The following CASP10 variants were observed in gnomAD, a reference collection of about 807,000 sequenced individuals.
CASP10 encodes the protein caspase-10.
In CASP10, 41 loss-of-function variants were observed where a neutral mutation model predicts 48.5. The observed-to-expected ratio is 0.85, with a 90% CI of 0.66 to 1.10. The LOEUF (loss-of-function observed/expected upper bound fraction) is 1.10. CASP10 is among the 50% of genes least tolerant of loss of function. CASP10 has a pLI of 0.00. For missense variants in CASP10, 614 were observed against 614.5 expected (o/e 1.00, Z 0.01); for synonymous variants, 232 against 238.4 (o/e 0.97, Z 0.25).
Position 201,192,185 on chromosome 2 carries a change from A to G in CASP10, c.442-799A>G, listed in dbSNP as rs1455295561. Among the ~76,000 whole-genome samples the G allele has an allele frequency of 3.9e-5, 6 of 152,310 alleles. No individual in the cohort carries two copies. The East Asian group carries it at 1.2e-3, about 29-fold the overall frequency. ...CAAGGCAAGCAGATCACCTGAGGTCAGGAGTTTGAGACCAGCCTGGCCAAC... is the reference window on the plus strand; with the variant it reads ...CAAGGCAAGCAGATCACCTGAGGTCGGGAGTTTGAGACCAGCCTGGCCAAC... On this transcript the variant is annotated intron_variant, in intron 3 of 9. Transcript: ENST00000286186.
At chr2:201,198,624 T>C (rs1316128261) in intron 5 of CASP10, among the ~76,000 whole-genome samples, 4 of 142,972 alleles carry the variant, frequency 2.8e-5, no homozygotes, top group African/African-American at 1.1e-4. Flanking sequence ...CACTGCAAGC[T>C]CCGCCTCCCG....
intron 9 of CASP10, chr2:201,214,445 T>C (rs1252188275): frequency 6.6e-6 from 1 of 152,106 alleles, no homozygotes; most frequent in Non-Finnish European, 1.5e-5. Flanking sequence ...TAAGAGGTAG[T>C]AGTCAGGCTG....
At chr2:201,196,469 A>C (rs1944800231) in intron 5 of CASP10, among the ~76,000 whole-genome samples, 1 of 152,168 alleles carries the variant, frequency 6.6e-6, no homozygotes, top group Non-Finnish European at 1.5e-5. Flanking sequence ...TCAGCTCTGA[A>C]AGGATGGGTG....
intron 5 of CASP10, among the ~76,000 whole-genome samples, chr2:201,202,136 C>A (rs1252889832): frequency 6.6e-6 from 1 of 152,180 alleles, no homozygotes; most frequent in African/African-American, 2.4e-5. Context: ...CAGGCGTGAG[C>A]CACCGTACCC....
intron 5 of CASP10, chr2:201,200,447 G>T (rs1419944797): frequency 1.9e-6 from 3 of 1,598,270 alleles, no homozygotes; most frequent in Non-Finnish European, 2.5e-6. Context: ...CCCCAGGAAG[G>T]TGTTTTTGTT....
At chr2:201,208,220 G>T in intron 8 of CASP10, 37 bp downstream of exon 8, 1 of 1,588,968 alleles carries the variant, frequency 6.3e-7, no homozygotes, top group Non-Finnish European at 8.5e-7. Flanking sequence ...AATGCAAATT[G>T]GGGATCTTAA....
Position 201,219,983 on chromosome 2 carries a change from A to T in CASP10, c.*2242A>T. The T allele has an allele frequency of 1.0e-6, 1 of 985,442 alleles. No individual in the cohort carries two copies. Among genetic ancestry groups the T allele is most frequent in the Non-Finnish European group, 1.2e-6 (1 of 829,920 alleles). The allele number at this position is 985,442 out of a possible 1,614,324, so 61.0% of individuals were successfully genotyped here. A position where few individuals can be genotyped will look rare whatever the true frequency, so the allele number is the denominator to read the frequency against. On this transcript the variant is annotated 3_prime_UTR_variant, in exon 10 of 10. Transcript: ENST00000286186. ...TTGATATGTGAATGCTCATAAAAAA[A>T]TGTCAAGGAATGAAGAACAACAACT... is the stretch of plus-strand genomic sequence containing the variant.
rs200530667 is a variant in CASP10 at position 201,186,091 on chromosome 2, T to C, written c.314T>C (p.Leu105Pro). ...LNCTKEEVER[L>P]LPTRQRVSLF... is the part of the protein sequence containing the mutation. The stretch of plus-strand genomic sequence containing the variant: ...TGTACCAAAGAGGAAGTGGAGCGAC[T>C]GCTGCCCACCCGACAAAGGGTTTCT... The change falls in exon 2 of 10, where the codon CTG (leucine) becomes CCG (proline). Residue 105 changes from leucine to proline, a missense_variant. Coordinates refer to ENST00000286186, the MANE Select transcript of CASP10 (RefSeq NM_032977.4). 25 of 1,612,288 alleles carry C rather than the reference T, an allele frequency of 1.6e-5. No individual in the cohort carries two copies. The East Asian group carries it at 2.0e-4, about 13-fold the overall frequency.
Position 201,205,970 on chromosome 2 carries a change from A to C in CASP10, c.810A>C (p.Thr270=), listed in dbSNP as rs759324148. The C allele has an allele frequency of 9.4e-6, 15 of 1,602,230 alleles. 1 individual carries two copies. In the South Asian group the frequency reaches 1.7e-4, roughly 18 times the overall value. Residue 270 remains threonine (T), a synonymous_variant, in exon 7 of 10, where the codon ACA becomes ACC. Transcript: ENST00000286186. ...SANTLNSETS[T]KRAAVYRMNR... ...ACACTCTAAACTCTGAAACCAGCACAAAGGTCTGGATGGTTTCTTTTATTC... is the reference window on the plus strand; with the variant it reads ...ACACTCTAAACTCTGAAACCAGCACCAAGGTCTGGATGGTTTCTTTTATTC...
chr2:201,225,999 G>A (rs576578990), downstream of CASP10, among the ~76,000 whole-genome samples: 2 of 152,164 alleles, frequency 1.3e-5, no homozygotes, highest in South Asian at 2.1e-4. Flanking sequence ...TGAGGGATGA[G>A]CCACAAACTG....
chr2:201,200,386 A>G (rs568869458), intron 5 of CASP10: 1 of 1,504,296 alleles, frequency 6.6e-7, no homozygotes, highest in South Asian at 1.1e-5. Flanking sequence ...TTCTCTCCAC[A>G]TTCGTAAGTT....
chr2:201,215,242 G>T, intron 9 of CASP10, among the ~76,000 whole-genome samples: 4 of 85,502 alleles, frequency 4.7e-5, no homozygotes, highest in Admixed American at 1.5e-4. Flanking sequence ...TTTTTGCCGT[G>T]CAAAAGGGTT....
intron 5 of CASP10, among the ~76,000 whole-genome samples, chr2:201,199,091 A>T (rs1944918773): frequency 6.6e-6 from 1 of 152,088 alleles, no homozygotes; most frequent in African/African-American, 2.4e-5. Context: ...TTCTCTCCAC[A>T]CACACATAAT....
chr2:201,223,974 CTTT>C (rs1176568608), downstream of CASP10, among the ~76,000 whole-genome samples: 1 of 137,144 alleles, frequency 7.3e-6, no homozygotes, highest in Non-Finnish European at 1.6e-5. Context: ...GAACTCTTTT[CTTT>C]TTTTTTTTTT....
chr2:201,187,569 T>G, intron 2 of CASP10, 137 bp from the exon 3 acceptor site: 1 of 762,742 alleles, frequency 1.3e-6, no homozygotes, highest in South Asian at 1.4e-5. Flanking sequence ...TTTTTGAACC[T>G]ATAAATGGGA....
rs557972760 is a variant in CASP10 at position 201,217,774 on chromosome 2, C to T, written c.*33C>T. Reference sequence around the variant, plus strand: ...TTTTTGTTGGTTCTTAGACCTCAAACGAATCATTGGCTATAACCTCCAGCC... The same window carrying T: ...TTTTTGTTGGTTCTTAGACCTCAAATGAATCATTGGCTATAACCTCCAGCC... On this transcript the variant is annotated 3_prime_UTR_variant, in exon 10 of 10. Coordinates refer to ENST00000286186, the MANE Select transcript of CASP10 (RefSeq NM_032977.4). 45 of 1,613,488 alleles carry T rather than the reference C, an allele frequency of 2.8e-5. No individual in the cohort carries two copies. In the Admixed American group the frequency reaches 4.5e-4, roughly 16 times the overall value.
chr2:201,184,427 G>A (rs1407480090), intron 1 of CASP10, among the ~76,000 whole-genome samples: 1 of 152,064 alleles, frequency 6.6e-6, no homozygotes, highest in Non-Finnish European at 1.5e-5. Context: ...GGGCTCAAAT[G>A]ATCCTTCTGC....
rs11903673 is a variant in CASP10, at chr2:201,203,155, T to A, written c.685-575T>A. On this transcript the variant is annotated intron_variant, in intron 5 of 9. Transcript: ENST00000286186. The stretch of plus-strand genomic sequence containing the variant: ...TCAATCACTTCCTATTGGTGGACAT[T>A]AGGCTATTTCCAGTCCTTAGTGTAA... 2.3e-3 allele frequency among the ~76,000 whole-genome samples: 356 copies of A among 152,280 alleles called. 2 individuals carry two copies. The highest frequency in any genetic ancestry group is 7.9e-3 in the African/African-American group (329 of 41,550).
intron 4 of CASP10, among the ~76,000 whole-genome samples, chr2:201,194,280 A>G (rs41511349): frequency 3.3e-5 from 5 of 152,166 alleles, no homozygotes; most frequent in Admixed American, 6.6e-5. Context: ...CGCTATACAT[A>G]AAAACTCATG....
Sources: allele counts gnomAD v4.1 joint callset (sites outside exome capture counted in the v4.1 genomes callset), GRCh38; gene constraint gnomAD v4.1.1; transcripts MANE v1.5; gene names NCBI Gene and HGNC (gene_info 2026-07-23, HGNC 2026-07-21).